ANKRD44: variants seen among roughly 807,000 people sequenced by gnomAD.
ANKRD44 encodes the protein serine/threonine-protein phosphatase 6 regulatory ankyrin repeat subunit B.
In ANKRD44, 35 loss-of-function variants were observed where a neutral mutation model predicts 116.0. The ratio of observed to expected loss-of-function variants is 0.30; its 90% confidence interval spans 0.23 to 0.40. The LOEUF (loss-of-function observed/expected upper bound fraction) is 0.40, where lower values mean the gene tolerates loss of function less well. Ranked by LOEUF, ANKRD44 falls within the 10% of genes least tolerant of loss-of-function variation. The probability of loss-of-function intolerance (pLI) is 1.00; values close to 1 mark genes in which losing one functional copy is unlikely to be tolerated. For synonymous variants in ANKRD44, 435 were observed against 461.8 expected, an observed-to-expected ratio of 0.94 and a Z score of 0.74; for missense variants, 1,014 against 1,242.6, an observed-to-expected ratio of 0.82 and a Z score of 2.77.
chr2:197,230,959 C>T (rs1403148533), intron 1 of ANKRD44, among the ~76,000 whole-genome samples: 1 of 152,134 alleles, frequency 6.6e-6, no homozygotes. Flanking sequence ...AGTCTTCTGG[C>T]TCTACCCACC....
At chr2:197,145,558 T>C (rs2079479039) in intron 3 of ANKRD44, among the ~76,000 whole-genome samples, 1 of 152,188 alleles carries the variant, frequency 6.6e-6, no homozygotes, top group African/African-American at 2.4e-5. Flanking sequence ...GAAAGGCCTA[T>C]TCTCAAAAGC....
At chr2:197,214,229 A>G (rs957098919) in intron 1 of ANKRD44, among the ~76,000 whole-genome samples, 2 of 152,228 alleles carry the variant, frequency 1.3e-5, no homozygotes, top group African/African-American at 2.4e-5. Context: ...TAATTGTCCA[A>G]TCTCAGGGAC....
At chr2:197,179,244 A>G (rs890938634) in intron 2 of ANKRD44, among the ~76,000 whole-genome samples, 7 of 151,954 alleles carry the variant, frequency 4.6e-5, no homozygotes, top group African/African-American at 1.7e-4. Context: ...CCCTCCCCTC[A>G]TCAGTTTTCT....
chr2:196,989,912 T>C, intron 27 of ANKRD44: 1 of 1,143,486 alleles, frequency 8.7e-7, no homozygotes, highest in Non-Finnish European at 1.1e-6. Context: ...GGTAGTTTCA[T>C]ACTATTTTTG....
At chr2:197,196,860 T>C (rs2080961905) in intron 1 of ANKRD44, among the ~76,000 whole-genome samples, 1 of 152,182 alleles carries the variant, frequency 6.6e-6, no homozygotes, top group African/African-American at 2.4e-5. Context: ...TCCACGTGCA[T>C]TCTTGGAAAG....
intron 1 of ANKRD44, among the ~76,000 whole-genome samples, chr2:197,289,285 G>A (rs142064698): frequency 1.3e-5 from 2 of 152,280 alleles, no homozygotes; most frequent in African/African-American, 4.8e-5. Context: ...GTGTTGACAA[G>A]GATGTGGAGA....
chr2:197,106,907 T>C (rs1021463373), intron 9 of ANKRD44, among the ~76,000 whole-genome samples: 5 of 151,968 alleles, frequency 3.3e-5, no homozygotes, highest in Non-Finnish European at 7.4e-5. Flanking sequence ...ACAGCACCTC[T>C]AGATAAGTGC....
At chr2:197,149,605 G>A (rs1328806249) in intron 2 of ANKRD44, among the ~76,000 whole-genome samples, 1 of 152,200 alleles carries the variant, frequency 6.6e-6, no homozygotes, top group Non-Finnish European at 1.5e-5. Flanking sequence ...CTTGTATTCA[G>A]GCAGTACTCC....
chr2:197,027,073 C>T (rs538661157), intron 16 of ANKRD44, among the ~76,000 whole-genome samples: 1 of 152,062 alleles, frequency 6.6e-6, no homozygotes, highest in South Asian at 2.1e-4. Context: ...TCTAAAAGTA[C>T]ATCTGGGCCA....
intron 16 of ANKRD44, among the ~76,000 whole-genome samples, chr2:197,072,814 AAAT>A (rs2077588979): frequency 6.6e-6 from 1 of 152,214 alleles, no homozygotes; most frequent in Non-Finnish European, 1.5e-5. Flanking sequence ...GGATATAATC[AAAT>A]AATACATTTA....
At chr2:197,284,435 T>C (rs2083347619) in intron 1 of ANKRD44, among the ~76,000 whole-genome samples, 1 of 151,698 alleles carries the variant, frequency 6.6e-6, no homozygotes, top group Non-Finnish European at 1.5e-5. Flanking sequence ...CTTTTTCCCA[T>C]TAATTTCTCC....
intron 1 of ANKRD44, among the ~76,000 whole-genome samples, chr2:197,230,625 G>T (rs1179271851): frequency 6.6e-6 from 1 of 152,146 alleles, no homozygotes; most frequent in Non-Finnish European, 1.5e-5. Flanking sequence ...GGGAGCAGGA[G>T]AGAGTATCTT....
At position 197,284,503 on chromosome 2, in the gene ANKRD44, A is replaced by AACACACACAC. The variant is rs10547024; in HGVS notation, c.27+26065_27+26074dup. 7.1e-3 allele frequency among the ~76,000 whole-genome samples: 982 copies of AACACACACAC among 137,826 alleles called. 12 individuals are homozygous for AACACACACAC. Among genetic ancestry groups the AACACACACAC allele is most frequent in the African/African-American group, 0.023 (915 of 38,980 alleles). The allele number at this position is 137,826 out of a possible 152,430, so 90.4% of individuals were successfully genotyped here. A position where few individuals can be genotyped will look rare whatever the true frequency, so the allele number is the denominator to read the frequency against. On this transcript the variant is annotated intron_variant, in intron 1 of 27. Transcript: ENST00000282272. ...AAGAACTCACGGCAACAGAGAGTCA[A>AACACACACAC]ACACACACACACACACACACACACA...
At chr2:197,183,531 C>T (rs2080568564) in intron 2 of ANKRD44, among the ~76,000 whole-genome samples, 1 of 152,116 alleles carries the variant, frequency 6.6e-6, no homozygotes, top group South Asian at 2.1e-4. Flanking sequence ...CTTAAACTAC[C>T]TAATCCACCC....
chr2:197,234,443 C>T (rs900277433), intron 1 of ANKRD44, among the ~76,000 whole-genome samples: 3 of 152,248 alleles, frequency 2.0e-5, no homozygotes, highest in African/African-American at 7.2e-5. Context: ...CCACCCATCT[C>T]GGCCTCACAC....
downstream of ANKRD44, among the ~76,000 whole-genome samples, chr2:196,984,187 G>T (rs2075821537): frequency 6.6e-6 from 1 of 152,198 alleles, no homozygotes; most frequent in East Asian, 1.9e-4. Context: ...TGAGCAGTGG[G>T]GTAGAGGAGC....
intron 17 of ANKRD44, chr2:197,015,791 A>T: frequency 2.3e-6 from 1 of 434,794 alleles, no homozygotes; most frequent in Non-Finnish European, 4.4e-6. Context: ...GGGGGTAGAT[A>T]TGGTGGTGGG....
chr2:197,002,019 G>A (rs1232917306), intron 21 of ANKRD44, among the ~76,000 whole-genome samples, 179 bp from the exon 22 acceptor site: 2 of 152,190 alleles, frequency 1.3e-5, no homozygotes, highest in Non-Finnish European at 2.9e-5. Context: ...GTTCACAGGT[G>A]TTCTGAGACT....
chr2:197,027,284 C>T (rs1217546434), intron 16 of ANKRD44, among the ~76,000 whole-genome samples: 1 of 152,098 alleles, frequency 6.6e-6, no homozygotes, highest in African/African-American at 2.4e-5. Context: ...ACGGCTTTAG[C>T]CCGGGAGGTG....
Sources: allele counts gnomAD v4.1 joint callset (sites outside exome capture counted in the v4.1 genomes callset), GRCh38; gene constraint gnomAD v4.1.1; transcripts MANE v1.5; gene names NCBI Gene and HGNC (gene_info 2026-07-23, HGNC 2026-07-21).